Variants in PSMD1 observed in about 807,000 individuals in gnomAD.
The protein encoded by PSMD1 is 26S proteasome non-ATPase regulatory subunit 1.
Under a neutral mutation model 119.0 loss-of-function variants are expected in PSMD1, and 18 were observed. That is an observed-to-expected ratio of 0.15 (90% CI 0.10 to 0.22). The LOEUF is 0.22. Among genes scored for constraint, PSMD1 ranks in the 10% least tolerant of loss-of-function variants. The pLI, the probability that PSMD1 is intolerant of heterozygous loss-of-function variation, is 1.00. For missense variants in PSMD1, 702 were observed against 1,158.5 expected (o/e 0.61, Z 5.72); for synonymous variants, 374 against 396.6 (o/e 0.94, Z 0.68).
intron 4 of PSMD1, 118 bp downstream of exon 4, chr2:231,062,793 TA>T: frequency 1.2e-6 from 1 of 838,670 alleles, no homozygotes; most frequent in South Asian, 3.4e-5. Flanking sequence ...TGGAAGTTCC[TA>T]ATCTTTCTAT....
chr2:231,169,023 GA>G (rs1437287939), intron 23 of PSMD1, among the ~76,000 whole-genome samples: 4 of 152,190 alleles, frequency 2.6e-5, no homozygotes, highest in Non-Finnish European at 4.4e-5. Flanking sequence ...CCAGAGAACA[GA>G]AAATCGTATA....
intron 16 of PSMD1, among the ~76,000 whole-genome samples, chr2:231,128,601 C>T (rs1695782363): frequency 2.0e-5 from 3 of 152,172 alleles, no homozygotes; most frequent in Non-Finnish European, 4.4e-5. Flanking sequence ...CCATCCTATC[C>T]TTCTTTGGGA....
intron 24 of PSMD1, among the ~76,000 whole-genome samples, 196 bp from the exon 25 acceptor site, chr2:231,172,338 CA>C (rs1462120444): frequency 6.6e-6 from 1 of 152,080 alleles, no homozygotes; most frequent in African/African-American, 2.4e-5. Flanking sequence ...TGTTAGTTTT[CA>C]AAGGGGTAAA....
At chr2:231,080,448 T>C (rs1694282888) in intron 12 of PSMD1, 134 bp downstream of exon 12, 2 of 737,676 alleles carry the variant, frequency 2.7e-6, no homozygotes, top group South Asian at 4.9e-5. Context: ...TGGATTTTTT[T>C]TTTTTAGGTA....
intron 16 of PSMD1, among the ~76,000 whole-genome samples, chr2:231,125,949 C>G (rs1432471068): frequency 6.6e-6 from 1 of 152,158 alleles, no homozygotes; most frequent in Non-Finnish European, 1.5e-5. Context: ...TTCATTTTAG[C>G]TCTGCTGAGC....
chr2:231,097,781 C>T (rs1694760484), intron 16 of PSMD1, among the ~76,000 whole-genome samples: 1 of 152,106 alleles, frequency 6.6e-6, no homozygotes, highest in Non-Finnish European at 1.5e-5. Context: ...GCTTCTCTTG[C>T]TTTACAGTGT....
Position 231,058,486 on chromosome 2 carries a change from TG to T in PSMD1, c.16+1447del, listed in dbSNP as rs1693667044. On this transcript the variant is annotated intron_variant, in intron 1 of 24. Transcript: ENST00000308696. ...AATTCGAGGACTTTTTTTCTTACTGTGGTGGTCGGACATCGTGAAAATTATA... is the reference window on the plus strand; with the variant it reads ...AATTCGAGGACTTTTTTTCTTACTGTGTGGTCGGACATCGTGAAAATTATA... Among the ~76,000 whole-genome samples the T allele has an allele frequency of 2.6e-5, 4 of 152,030 alleles. No individual in the cohort carries two copies. The South Asian group carries it at 8.3e-4, about 31-fold the overall frequency.
intron 16 of PSMD1, among the ~76,000 whole-genome samples, chr2:231,131,101 T>C (rs1695842988): frequency 6.6e-6 from 1 of 152,220 alleles, no homozygotes. Flanking sequence ...ACCAGTTATC[T>C]CTGTTTTGTT....
intron 16 of PSMD1, among the ~76,000 whole-genome samples, chr2:231,125,988 T>C (rs1695709978): frequency 6.6e-6 from 1 of 152,258 alleles, no homozygotes; most frequent in Non-Finnish European, 1.5e-5. Flanking sequence ...TATTTGCTGC[T>C]TTTTTAAAAA....
chr2:231,066,947 G>T lies in PSMD1; in HGVS notation c.346G>T (p.Ala116Ser). The change falls in exon 5 of 25, where the codon GCA (alanine) becomes TCA (serine). Residue 116 changes from alanine (A) to serine (S), a missense_variant. Transcript: ENST00000308696. Reference sequence around the variant, plus strand: ...CTACACCAAACAATGTGTGGAAAATGCAGATTTGCCTGAAGGAGAAAAAAA... The same window carrying T: ...CTACACCAAACAATGTGTGGAAAATTCAGATTTGCCTGAAGGAGAAAAAAA... ...DHYTKQCVENADLPEGEKKPI... is the reference protein window; with the variant it reads ...DHYTKQCVENSDLPEGEKKPI... 1 of 1,612,542 alleles carries T rather than the reference G, an allele frequency of 6.2e-7. No individual in the cohort carries two copies. Among genetic ancestry groups the T allele is most frequent in the Non-Finnish European group, 8.5e-7 (1 of 1,179,400 alleles).
At chr2:231,065,595 G>A (rs1225447539) in intron 4 of PSMD1, among the ~76,000 whole-genome samples, 3 of 152,118 alleles carry the variant, frequency 2.0e-5, no homozygotes, top group South Asian at 2.1e-4. Flanking sequence ...CACCGCGCCC[G>A]GCCAGGGTGA....
chr2:231,078,803 T>C, intron 10 of PSMD1, 56 bp downstream of exon 10: 1 of 1,349,034 alleles, frequency 7.4e-7, no homozygotes. Flanking sequence ...TTTTTTTTTT[T>C]TTTTTTTTTT....
intron 16 of PSMD1, among the ~76,000 whole-genome samples, chr2:231,118,905 T>G (rs1418801533): frequency 6.6e-6 from 1 of 152,240 alleles, no homozygotes; most frequent in Non-Finnish European, 1.5e-5. Context: ...ATACTTCTTA[T>G]GTCCAAAAAG....
intron 3 of PSMD1, 91 bp downstream of exon 3, chr2:231,062,412 G>A: frequency 6.5e-7 from 1 of 1,529,374 alleles, no homozygotes; most frequent in South Asian, 1.2e-5. Context: ...TTAGAAATTT[G>A]CTGTTAACTG....
chr2:231,064,565 G>A (rs1256170123), intron 4 of PSMD1, among the ~76,000 whole-genome samples: 2 of 152,164 alleles, frequency 1.3e-5, no homozygotes, highest in Admixed American at 1.3e-4. Context: ...TCCTCACTTA[G>A]CTACAGTTGG....
chr2:231,057,443 C>T (rs111897063), intron 1 of PSMD1, among the ~76,000 whole-genome samples: 4 of 152,376 alleles, frequency 2.6e-5, no homozygotes, highest in African/African-American at 9.6e-5. Context: ...AACAGTAAGG[C>T]AAACCCCCCT....
In PSMD1 at chr2:231,067,126, T is replaced by C. The variant is rs753359045; in HGVS notation, c.510+15T>C. On this transcript the variant is annotated intron_variant, in intron 5 of 24. Transcript: ENST00000308696. ...TACTGGAGTCGGTAGGTAGATGATG[T>C]TATTTTAGAAATTATTGTTGATAGG... 83 of 1,540,132 alleles carry C rather than the reference T, an allele frequency of 5.4e-5. No homozygotes were observed. The highest frequency in any genetic ancestry group is 7.2e-5 in the Non-Finnish European group (82 of 1,144,202).
intron 16 of PSMD1, chr2:231,108,641 A>C (rs1695040557): frequency 6.2e-7 from 1 of 1,614,000 alleles, no homozygotes; most frequent in Admixed American, 1.7e-5. Flanking sequence ...ACTCTGGTAC[A>C]TGGCAGGGTT....
intron 16 of PSMD1, chr2:231,113,940 C>G: frequency 6.2e-7 from 1 of 1,610,476 alleles, no homozygotes; most frequent in Non-Finnish European, 8.5e-7. Flanking sequence ...CTGAAAGAAA[C>G]AAAAACAAGA....
Sources: gnomAD v4.1 joint callset for allele counts (sites outside exome capture counted in the v4.1 genomes callset) on GRCh38, gnomAD v4.1.1 for gene constraint, MANE v1.5 for transcripts, NCBI Gene and HGNC (gene_info 2026-07-23, HGNC 2026-07-21) for gene names.